CALN1: variants seen among roughly 807,000 people sequenced by gnomAD.
CALN1 encodes calneuron 1.
CALN1 carries 17 observed loss-of-function variants against 30.6 expected under a neutral mutation model. The ratio of observed to expected loss-of-function variants is 0.56; its 90% CI spans 0.38 to 0.83. The LOEUF is 0.83. CALN1 is among the 40% of genes least tolerant of loss of function. The pLI is 0.00. For missense variants in CALN1, 291 were observed against 354.9 expected (o/e 0.82, Z 1.45); for synonymous variants, 156 against 131.4 (o/e 1.19, Z -1.28).
intron 5 of CALN1, among the ~76,000 whole-genome samples, chr7:71,881,844 G>A (rs989834519): frequency 6.6e-6 from 1 of 152,016 alleles, no homozygotes; most frequent in Admixed American, 6.6e-5. Flanking sequence ...AGACGTAGGT[G>A]GGAGGATTGC....
At chr7:72,134,503 C>G (rs1047053970) in intron 3 of CALN1, among the ~76,000 whole-genome samples, 2 of 152,182 alleles carry the variant, frequency 1.3e-5, no homozygotes, top group Non-Finnish European at 1.5e-5. Flanking sequence ...CTTGGTTTCC[C>G]AGTGCATATA....
rs149094470 is a variant in CALN1, at chr7:71,987,604, G to A, written c.501+36053C>T. 3.2e-4 allele frequency among the ~76,000 whole-genome samples: 49 copies of A among 152,302 alleles called. No individual in the cohort carries two copies. The East Asian group carries it at 5.2e-3, about 16-fold the overall frequency. On this transcript the variant is annotated intron_variant, in intron 5 of 6. Coordinates refer to ENST00000395275, the MANE Select transcript of CALN1 (RefSeq NM_031468.4). Reference sequence around the variant, plus strand: ...CAGGGTAGGCTTGTGAAAGTGTTACGCAACCCCCATGAGAGGGGACTGGGC... The same window carrying A: ...CAGGGTAGGCTTGTGAAAGTGTTACACAACCCCCATGAGAGGGGACTGGGC...
At chr7:72,147,734 G>A (rs1392094660) in intron 3 of CALN1, among the ~76,000 whole-genome samples, 1 of 152,042 alleles carries the variant, frequency 6.6e-6, no homozygotes, top group African/African-American at 2.4e-5. Context: ...TTAAGAAAAT[G>A]TGGCACATAT....
At chr7:72,056,078 T>C (rs1803240740) in intron 4 of CALN1, among the ~76,000 whole-genome samples, 1 of 152,170 alleles carries the variant, frequency 6.6e-6, no homozygotes, top group Admixed American at 6.5e-5. Context: ...ACTTTAGTGA[T>C]ATATTTTTAA....
intron 3 of CALN1, among the ~76,000 whole-genome samples, chr7:72,274,803 T>C (rs986563734): frequency 3.9e-5 from 6 of 152,154 alleles, no homozygotes; most frequent in African/African-American, 1.4e-4. Flanking sequence ...AATGAATGAA[T>C]GACTGTCTCC....
At chr7:72,306,337 T>C (rs529146952) in intron 2 of CALN1, among the ~76,000 whole-genome samples, 1 of 152,314 alleles carries the variant, frequency 6.6e-6, no homozygotes, top group South Asian at 2.1e-4. Context: ...AGCAATTTTT[T>C]AAAGGTCTGA....
intron 3 of CALN1, among the ~76,000 whole-genome samples, chr7:72,261,162 G>A (rs991327222): frequency 3.9e-5 from 6 of 152,070 alleles, no homozygotes; most frequent in Non-Finnish European, 5.9e-5. Flanking sequence ...ACAAAAATTC[G>A]CCAGGTGTGG....
At chr7:72,305,119 G>T (rs564752719) in intron 2 of CALN1, among the ~76,000 whole-genome samples, 31 of 152,298 alleles carry the variant, frequency 2.0e-4, no homozygotes, top group African/African-American at 7.5e-4. Flanking sequence ...CGTGTTAACA[G>T]CTGGCTGTGT....
intron 5 of CALN1, among the ~76,000 whole-genome samples, chr7:71,958,686 T>A (rs1797092619): frequency 6.6e-6 from 1 of 152,210 alleles, no homozygotes; most frequent in South Asian, 2.1e-4. Context: ...CAGGACACAC[T>A]TCCGGACAAC....
chr7:71,908,708 G>A (rs1794269532), intron 5 of CALN1, among the ~76,000 whole-genome samples: 1 of 152,148 alleles, frequency 6.6e-6, no homozygotes, highest in South Asian at 2.1e-4. Context: ...GGACAGGCAA[G>A]GACTGAAGTG....
chr7:72,035,335 A>G (rs760290319), intron 4 of CALN1, among the ~76,000 whole-genome samples: 6 of 151,676 alleles, frequency 4.0e-5, no homozygotes, highest in African/African-American at 7.3e-5. Flanking sequence ...GATTTTGACT[A>G]CTCCAAGTAT....
At chr7:72,296,751 C>T (rs561112929) in intron 2 of CALN1, among the ~76,000 whole-genome samples, 166 of 150,672 alleles carry the variant, frequency 1.1e-3, no homozygotes, top group African/African-American at 3.9e-3. Context: ...ATTCTTCTCT[C>T]TTTTTTTATT....
At chr7:72,066,787 AT>A (rs200658441) in intron 4 of CALN1, among the ~76,000 whole-genome samples, 216 of 141,956 alleles carry the variant, frequency 1.5e-3, no homozygotes, top group Middle Eastern at 3.8e-3. Flanking sequence ...ATTTTATTTT[AT>A]TTTTTTTTTT....
chr7:72,033,479 A>G (rs1341059904), intron 4 of CALN1, among the ~76,000 whole-genome samples: 1 of 150,034 alleles, frequency 6.7e-6, no homozygotes, highest in African/African-American at 2.4e-5. Flanking sequence ...AGGGAGTGCT[A>G]TAATTGACCT....
chr7:72,220,087 A>G (rs923206528), intron 3 of CALN1, among the ~76,000 whole-genome samples: 1 of 151,750 alleles, frequency 6.6e-6, no homozygotes, highest in Non-Finnish European at 1.5e-5. Flanking sequence ...CACGTGCACA[A>G]TGTGCAGGTT....
At chr7:72,209,330 T>TCCC (rs1562740200) in intron 3 of CALN1, among the ~76,000 whole-genome samples, 3 of 3,326 alleles carry the variant, frequency 9.0e-4, no homozygotes, top group Non-Finnish European at 1.4e-3. Flanking sequence ...CCTTCCCTCT[T>TCCC]TCCTTCCCTC....
chr7:72,158,012 T>C (rs570767727), intron 3 of CALN1, among the ~76,000 whole-genome samples: 2 of 152,324 alleles, frequency 1.3e-5, no homozygotes, highest in East Asian at 3.9e-4. Flanking sequence ...CCCAAAGTGC[T>C]GTGATTACAG....
intron 4 of CALN1, among the ~76,000 whole-genome samples, chr7:72,075,396 G>C (rs1482487207): frequency 6.6e-6 from 1 of 152,188 alleles, no homozygotes; most frequent in South Asian, 2.1e-4. Flanking sequence ...CAGGCTGAAA[G>C]TTAAAATGCA....
chr7:71,840,341 C>T (rs573931943), intron 5 of CALN1, among the ~76,000 whole-genome samples: 10 of 151,802 alleles, frequency 6.6e-5, no homozygotes, highest in South Asian at 2.1e-4. Flanking sequence ...AAAAATTAGC[C>T]GAGCACAGTG....
Sources: allele counts gnomAD v4.1 joint callset (sites outside exome capture counted in the v4.1 genomes callset), GRCh38; gene constraint gnomAD v4.1.1; transcripts MANE v1.5; gene names NCBI Gene and HGNC (gene_info 2026-07-23, HGNC 2026-07-21).